Variants in NTNG1 observed in about 807,000 individuals in gnomAD.
The protein encoded by NTNG1 is netrin G1.
Under a neutral mutation model 54.0 loss-of-function variants are expected in NTNG1, and 16 were observed. That is an observed-to-expected ratio of 0.30 (90% CI 0.20 to 0.45). The LOEUF is 0.45. Ranked by LOEUF, NTNG1 falls within the 20% of genes least tolerant of loss-of-function variation. The pLI, the probability that NTNG1 is intolerant of heterozygous loss-of-function variation, is 1.00. For missense variants in NTNG1, 530 were observed against 678.7 expected (o/e 0.78, Z 2.43); for synonymous variants, 255 against 263.1 (o/e 0.97, Z 0.30).
intron 2 of NTNG1, among the ~76,000 whole-genome samples, chr1:107,158,928 T>C (rs892359542): frequency 6.6e-6 from 1 of 152,188 alleles, no homozygotes; most frequent in Non-Finnish European, 1.5e-5. Context: ...ATAAATTGTC[T>C]GCCAGATATG....
intron 2 of NTNG1, among the ~76,000 whole-genome samples, chr1:107,321,743 G>T (rs1477171082): frequency 2.6e-5 from 4 of 152,082 alleles, no homozygotes; most frequent in African/African-American, 7.2e-5. Flanking sequence ...AAGACAAGAA[G>T]ATTAGGCTGT....
chr1:107,187,810 AAT>A (rs1418711221), intron 2 of NTNG1, among the ~76,000 whole-genome samples: 1 of 152,164 alleles, frequency 6.6e-6, no homozygotes, highest in Non-Finnish European at 1.5e-5. Context: ...GCAAGGGCAG[AAT>A]GACTTTGTTT....
intron 1 of NTNG1, among the ~76,000 whole-genome samples, chr1:107,143,945 T>C (rs964658929): frequency 1.5e-4 from 23 of 152,132 alleles, no homozygotes; most frequent in African/African-American, 5.3e-4. Flanking sequence ...CGGTGTGTTA[T>C]TTGGGTTTAT....
chr1:107,418,525 C>T (rs1674360235), intron 5 of NTNG1: 1 of 1,285,326 alleles, frequency 7.8e-7, no homozygotes, highest in African/African-American at 1.5e-5. Context: ...TCTGTTTAGA[C>T]CAAATGACAT....
chr1:107,443,381 A>G (rs1447287063), intron 7 of NTNG1, among the ~76,000 whole-genome samples: 1 of 126,136 alleles, frequency 7.9e-6, no homozygotes, highest in Non-Finnish European at 1.7e-5. Context: ...CTATTACTAT[A>G]GTTCAGGAGG....
intron 2 of NTNG1, among the ~76,000 whole-genome samples, chr1:107,250,040 G>A (rs1427491892): frequency 1.3e-5 from 2 of 152,130 alleles, no homozygotes; most frequent in Non-Finnish European, 2.9e-5. Context: ...TTATATAAAA[G>A]GATCAGAAAC....
chr1:107,153,877 C>A (rs992281101), intron 2 of NTNG1, among the ~76,000 whole-genome samples: 1 of 152,172 alleles, frequency 6.6e-6, no homozygotes, highest in African/African-American at 2.4e-5. Flanking sequence ...TTGGAGAGGT[C>A]TTAGGAAGGA....
chr1:107,244,521 G>A (rs1206266049), intron 2 of NTNG1, among the ~76,000 whole-genome samples: 1 of 152,142 alleles, frequency 6.6e-6, no homozygotes, highest in Non-Finnish European at 1.5e-5. Flanking sequence ...GCCATTATGT[G>A]AGATCATGTT....
At chr1:107,479,416 A>G (rs1678548528) in intron 7 of NTNG1, among the ~76,000 whole-genome samples, 1 of 152,164 alleles carries the variant, frequency 6.6e-6, no homozygotes, top group Non-Finnish European at 1.5e-5. Context: ...AATATTGGGT[A>G]TGTGTATATG....
At chr1:107,475,910 A>G (rs1418297827) in intron 7 of NTNG1, among the ~76,000 whole-genome samples, 1 of 152,176 alleles carries the variant, frequency 6.6e-6, no homozygotes, top group Non-Finnish European at 1.5e-5. Context: ...TCAAATACCC[A>G]TGGGAGCAAA....
intron 2 of NTNG1, among the ~76,000 whole-genome samples, chr1:107,155,651 C>T (rs781672446): frequency 1.3e-5 from 2 of 152,124 alleles, no homozygotes; most frequent in Non-Finnish European, 2.9e-5. Context: ...AGAGAGCCAC[C>T]ACACTTGCTA....
chr1:107,297,472 C>A (rs1336444791), intron 2 of NTNG1, among the ~76,000 whole-genome samples: 2 of 151,738 alleles, frequency 1.3e-5, no homozygotes, highest in African/African-American at 4.8e-5. Flanking sequence ...TGAAAATTTT[C>A]TATTAGACAT....
chr1:107,385,406 T>G (rs1265214600), intron 3 of NTNG1, among the ~76,000 whole-genome samples: 2 of 152,090 alleles, frequency 1.3e-5, no homozygotes, highest in Non-Finnish European at 2.9e-5. Context: ...CCATGATGGC[T>G]CCACACTGTG....
intron 2 of NTNG1, among the ~76,000 whole-genome samples, chr1:107,165,872 G>C (rs921383694): frequency 1.3e-5 from 2 of 152,160 alleles, no homozygotes; most frequent in Admixed American, 6.5e-5. Context: ...GGAGTATTTA[G>C]TGGTTTCTCT....
At chr1:107,250,863 G>A (rs1159980427) in intron 2 of NTNG1, among the ~76,000 whole-genome samples, 2 of 152,224 alleles carry the variant, frequency 1.3e-5, no homozygotes, top group African/African-American at 2.4e-5. Context: ...TCTGAAGTGG[G>A]AATCTGGTAG....
intron 2 of NTNG1, among the ~76,000 whole-genome samples, chr1:107,229,968 T>C (rs371643863): frequency 5.5e-4 from 84 of 152,150 alleles, no homozygotes; most frequent in African/African-American, 2.0e-3. Flanking sequence ...ACTGAATTTA[T>C]TTTTTTAGAA....
Position 107,432,278 on chromosome 1 carries a change from T to C in NTNG1, c.1255+1361T>C, listed in dbSNP as rs185839715. ...GATGTCTTGTTTTGTTTTTACTTAA[T>C]CCTCATTAACAAAACAGTGGGGTAA... is the stretch of plus-strand genomic sequence containing the variant. On this transcript the variant is annotated intron_variant, in intron 6 of 7. Transcript: ENST00000370068. Among the ~76,000 whole-genome samples the C allele has an allele frequency of 3.2e-3, 482 of 152,300 alleles. 2 individuals are homozygous for C. The highest frequency in any genetic ancestry group is 0.011 in the African/African-American group (449 of 41,572).
chr1:107,229,960 T>G (rs138250132), intron 2 of NTNG1, among the ~76,000 whole-genome samples: 212 of 152,242 alleles, frequency 1.4e-3, no homozygotes, highest in African/African-American at 4.8e-3. Flanking sequence ...CCCTGAAAAC[T>G]GAATTTATTT....
intron 2 of NTNG1, among the ~76,000 whole-genome samples, chr1:107,278,132 G>T (rs933247568): frequency 3.3e-5 from 5 of 152,060 alleles, no homozygotes; most frequent in Non-Finnish European, 7.4e-5. Flanking sequence ...TGTTGAAAAA[G>T]GCCTTTGCAT....
Sources: gnomAD v4.1 joint callset for allele counts (sites outside exome capture counted in the v4.1 genomes callset) on GRCh38, gnomAD v4.1.1 for gene constraint, MANE v1.5 for transcripts, NCBI Gene and HGNC (gene_info 2026-07-23, HGNC 2026-07-21) for gene names.